OPN5: variants seen among roughly 807,000 people sequenced by gnomAD.
The protein encoded by OPN5 is opsin 5.
Under a neutral mutation model 41.7 loss-of-function variants are expected in OPN5, and 18 were observed. That is an observed-to-expected ratio of 0.43 (90% CI 0.30 to 0.64). The LOEUF (loss-of-function observed/expected upper bound fraction) is 0.64, where lower values mean the gene tolerates loss of function less well. OPN5 is among the 30% of genes least tolerant of loss of function. OPN5 has a pLI of 0.13. For missense variants in OPN5, 318 were observed against 434.5 expected, an observed-to-expected ratio of 0.73 and a Z score of 2.38; for synonymous variants, 178 against 164.3, an observed-to-expected ratio of 1.08 and a Z score of -0.64.
At chr6:47,810,197 G>T (rs1774136078) in intron 5 of OPN5, among the ~76,000 whole-genome samples, 2 of 152,322 alleles carry the variant, frequency 1.3e-5, no homozygotes, top group Non-Finnish European at 2.9e-5. Context: ...TCTCTAGAGG[G>T]TCAGCTTTCG....
chr6:47,807,574 A>G (rs1774022069), intron 4 of OPN5, among the ~76,000 whole-genome samples: 1 of 152,224 alleles, frequency 6.6e-6, no homozygotes, highest in African/African-American at 2.4e-5. Context: ...TGTTCCATAC[A>G]ACTATGCCAC....
Position 47,786,718 on chromosome 6 carries a change from G to A in OPN5, c.250+84G>A, listed in dbSNP as rs568042009. The A allele has an allele frequency of 1.3e-5, 16 of 1,204,300 alleles. No individual in the cohort carries two copies. In the East Asian group the frequency reaches 3.8e-4, roughly 29 times the overall value. The allele number at this position is 1,204,300 out of a possible 1,614,324, so 74.6% of individuals were successfully genotyped here. A position where few individuals can be genotyped will look rare whatever the true frequency, so the allele number is the denominator to read the frequency against. On this transcript the variant is annotated intron_variant, in intron 2 of 6. Transcript: ENST00000371211. The stretch of plus-strand genomic sequence containing the variant: ...CTCACTGTCTCAAACGTCACCCCCT[G>A]ACATCTCTTCCCTTCACATCTCCTT...
intron 6 of OPN5, among the ~76,000 whole-genome samples, chr6:47,815,517 A>G (rs1214008226): frequency 6.6e-6 from 1 of 152,156 alleles, no homozygotes; most frequent in East Asian, 1.9e-4. Flanking sequence ...AACATTATAT[A>G]TAGAATGAAG....
intron 5 of OPN5, among the ~76,000 whole-genome samples, chr6:47,809,799 T>A (rs373793596): frequency 5.9e-5 from 9 of 152,238 alleles, no homozygotes; most frequent in African/African-American, 2.2e-4. Context: ...TAACACTATG[T>A]CCTCACTGGC....
At chr6:47,785,980 C>T (rs748794238) in intron 1 of OPN5, among the ~76,000 whole-genome samples, 1 of 152,198 alleles carries the variant, frequency 6.6e-6, no homozygotes, top group Non-Finnish European at 1.5e-5. Context: ...AGTCCTGGGG[C>T]GTCTCTGGGA....
At chr6:47,813,068 A>AAACAACAACAAC (rs70999651) in intron 6 of OPN5, among the ~76,000 whole-genome samples, 16 of 139,066 alleles carry the variant, frequency 1.2e-4, no homozygotes, top group African/African-American at 2.0e-4. Flanking sequence ...TCTATGATTA[A>AAACAACAACAAC]AACAACAACA....
At chr6:47,797,644 G>A (rs895527516) in intron 4 of OPN5, among the ~76,000 whole-genome samples, 6 of 152,154 alleles carry the variant, frequency 3.9e-5, no homozygotes, top group Admixed American at 2.0e-4. Context: ...ATGTGACGTC[G>A]AAGTTTACTT....
intron 4 of OPN5, among the ~76,000 whole-genome samples, chr6:47,796,999 C>A (rs923265573): frequency 3.9e-5 from 6 of 152,126 alleles, no homozygotes; most frequent in Non-Finnish European, 7.3e-5. Context: ...CAGGGGAACT[C>A]CCTTTTATAG....
At chr6:47,805,407 A>T (rs979679430) in intron 4 of OPN5, among the ~76,000 whole-genome samples, 1 of 138,804 alleles carries the variant, frequency 7.2e-6, no homozygotes, top group African/African-American at 2.6e-5. Flanking sequence ...AAATGGAAAA[A>T]AAATTGATAT....
intron 3 of OPN5, among the ~76,000 whole-genome samples, chr6:47,794,370 G>T (rs1423333086): frequency 6.6e-6 from 1 of 152,194 alleles, no homozygotes; most frequent in Non-Finnish European, 1.5e-5. Flanking sequence ...TGATGAGTGA[G>T]GTGTGAAGGT....
At chr6:47,815,287 C>T (rs923611003) in intron 6 of OPN5, among the ~76,000 whole-genome samples, 1 of 152,108 alleles carries the variant, frequency 6.6e-6, no homozygotes, top group Non-Finnish European at 1.5e-5. Flanking sequence ...AAATCTATCT[C>T]ATTTAATTTC....
Position 47,796,063 on chromosome 6 carries a change from C to T in OPN5, c.756+500C>T, listed in dbSNP as rs117384866. Among the ~76,000 whole-genome samples the T allele has an allele frequency of 2.6e-4, 39 of 152,226 alleles. No individual in the cohort carries two copies. The East Asian group carries it at 3.7e-3, about 14-fold the overall frequency. ...CCATGGGAAGCTTGTGTTATGAACA[C>T]GAGCAGTTTCTGCAGGCTTGAGTAC... On this transcript the variant is annotated intron_variant, in intron 4 of 6. Transcript: ENST00000371211.
intron 6 of OPN5, among the ~76,000 whole-genome samples, chr6:47,814,162 G>GT (rs371258109): frequency 7.5e-4 from 112 of 149,364 alleles, no homozygotes; most frequent in Admixed American, 1.2e-3. Context: ...AGTGAAGGAG[G>GT]TTTTTTTTTT....
At chr6:47,793,000 A>T (rs36086469) in intron 3 of OPN5, among the ~76,000 whole-genome samples, 37,476 of 119,242 alleles carry the variant, frequency 0.31, 4,984 homozygotes, top group African/African-American at 0.36. Flanking sequence ...TTTTTTTTTT[A>T]AAGTTTACAT....
chr6:47,795,537 C>T (rs972216916), exon 4 of OPN5: 2 of 1,613,444 alleles, frequency 1.2e-6, no homozygotes, highest in Admixed American at 3.3e-5. Flanking sequence ...CCATAGCAGC[C>T]ATGTGCTGGA....
At chr6:47,815,210 A>G (rs534904309) in intron 6 of OPN5, among the ~76,000 whole-genome samples, 1 of 152,228 alleles carries the variant, frequency 6.6e-6, no homozygotes, top group East Asian at 1.9e-4. Flanking sequence ...TAGAAATGTA[A>G]TTTCAGGTTT....
intron 6 of OPN5, among the ~76,000 whole-genome samples, chr6:47,820,505 C>G (rs1762588817): frequency 6.6e-6 from 1 of 152,140 alleles, no homozygotes; most frequent in Non-Finnish European, 1.5e-5. Flanking sequence ...ATTCTATTTC[C>G]TTGCTTGATT....
chr6:47,818,635 A>G (rs1049171271), intron 6 of OPN5, among the ~76,000 whole-genome samples: 6 of 151,696 alleles, frequency 4.0e-5, no homozygotes, highest in Non-Finnish European at 8.8e-5. Flanking sequence ...CACACACTCC[A>G]CAGAGATGAT....
At chr6:47,822,969 C>G (rs930739579) in intron 6 of OPN5, among the ~76,000 whole-genome samples, 1 of 152,168 alleles carries the variant, frequency 6.6e-6, no homozygotes, top group African/African-American at 2.4e-5. Context: ...TCTGAGGATA[C>G]AGTTTGCCTT....
Sources: gnomAD v4.1 joint callset for allele counts (sites outside exome capture counted in the v4.1 genomes callset) on GRCh38, gnomAD v4.1.1 for gene constraint, MANE v1.5 for transcripts, NCBI Gene and HGNC (gene_info 2026-07-23, HGNC 2026-07-21) for gene names.